The following HIVEP3 variants were observed in gnomAD, a reference collection of about 807,000 sequenced individuals.
HIVEP3 encodes transcription factor HIVEP3.
A neutral mutation model predicts 152.8 loss-of-function variants in HIVEP3; 49 were observed. The ratio of observed to expected loss-of-function variants is 0.32; its 90% CI spans 0.26 to 0.41. The LOEUF (loss-of-function observed/expected upper bound fraction) is 0.41, where lower values mean the gene tolerates loss of function less well. Ranked by LOEUF, HIVEP3 falls within the 10% of genes least tolerant of loss-of-function variation. HIVEP3 has a pLI of 1.00. For synonymous variants in HIVEP3, 1,269 were observed against 1,289.0 expected, an observed-to-expected ratio of 0.98 and a Z score of 0.33; for missense variants, 2,790 against 3,103.3, an observed-to-expected ratio of 0.90 and a Z score of 2.40.
chr1:42,015,958 C>T (rs1189173735), intron 1 of HIVEP3, among the ~76,000 whole-genome samples: 1 of 152,174 alleles, frequency 6.6e-6, no homozygotes, highest in Non-Finnish European at 1.5e-5. Context: ...TTAGGAAAAA[C>T]ATCAAATAAT....
chr1:41,767,323 T>C (rs1648074605), intron 1 of HIVEP3, among the ~76,000 whole-genome samples: 1 of 152,212 alleles, frequency 6.6e-6, no homozygotes, highest in Admixed American at 6.5e-5. Context: ...TCAAAGCAGA[T>C]ACAGCTCCCC....
intron 5 of HIVEP3, among the ~76,000 whole-genome samples, chr1:41,529,067 T>A (rs1643137254): frequency 4.8e-5 from 3 of 62,132 alleles, no homozygotes; most frequent in Non-Finnish European, 9.5e-5. Flanking sequence ...ACCCTCACCC[T>A]CACACTCACA....
chr1:42,012,923 A>C (rs1009922129), intron 1 of HIVEP3, among the ~76,000 whole-genome samples: 1 of 152,230 alleles, frequency 6.6e-6, no homozygotes, highest in Non-Finnish European at 1.5e-5. Context: ...AGACCAAGAC[A>C]TTAGATGTGA....
intron 3 of HIVEP3, among the ~76,000 whole-genome samples, chr1:41,625,159 A>C: frequency 1.2e-5 from 1 of 82,476 alleles, no homozygotes; most frequent in Non-Finnish European, 2.3e-5. Context: ...CGAGATTCCA[A>C]CTCAAAAAAA....
At position 41,772,533 on chromosome 1, in the gene HIVEP3, C is replaced by G. The variant is rs950509855; in HGVS notation, c.-800-71538G>C. On this transcript the variant is annotated intron_variant, in intron 1 of 8. Coordinates refer to ENST00000372583, the MANE Select transcript of HIVEP3 (RefSeq NM_024503.5). ...GGAGGTGGCAGCCATCAGAAGCTAA[C>G]AGTGAAGAAAAAGGTGGAAGAAGCC... 2.6e-5 allele frequency among the ~76,000 whole-genome samples: 4 copies of G among 152,138 alleles called. No individual in the cohort carries two copies. The East Asian group carries it at 7.7e-4, about 29-fold the overall frequency.
chr1:41,589,340 C>T (rs540928039), intron 3 of HIVEP3, among the ~76,000 whole-genome samples: 3 of 152,354 alleles, frequency 2.0e-5, no homozygotes, highest in Middle Eastern at 3.4e-3. Context: ...CAGCAGCCAA[C>T]TGGTTAGCTC....
chr1:41,568,792 G>A (rs747660436), intron 5 of HIVEP3, among the ~76,000 whole-genome samples: 4 of 152,216 alleles, frequency 2.6e-5, no homozygotes, highest in Non-Finnish European at 5.9e-5. Flanking sequence ...TGACTTTGCC[G>A]CTCTCCTTCA....
intron 2 of HIVEP3, among the ~76,000 whole-genome samples, chr1:41,645,414 G>T (rs751922617): frequency 1.3e-5 from 2 of 152,158 alleles, no homozygotes; most frequent in African/African-American, 2.4e-5. Context: ...ATTGCTCATG[G>T]TCTTGTACTG....
At chr1:41,890,044 C>T (rs1055225786) in intron 1 of HIVEP3, among the ~76,000 whole-genome samples, 2 of 152,252 alleles carry the variant, frequency 1.3e-5, no homozygotes, top group Non-Finnish European at 2.9e-5. Context: ...TGGTTCAAAT[C>T]CTGGCTCGGC....
chr1:41,953,484 T>C (rs1645121903), intron 1 of HIVEP3, among the ~76,000 whole-genome samples: 1 of 152,246 alleles, frequency 6.6e-6, no homozygotes. Context: ...AGGTACATAA[T>C]GAGTCCTCAG....
At chr1:41,666,122 CGTGTGTGT>C (rs60976179) in intron 2 of HIVEP3, among the ~76,000 whole-genome samples, 1 of 149,716 alleles carries the variant, frequency 6.7e-6, no homozygotes, top group Non-Finnish European at 1.5e-5. Flanking sequence ...GGTGTGTGTG[CGTGTGTGT>C]GTGTGTGTGT....
At chr1:41,549,119 C>G (rs893659551) in intron 5 of HIVEP3, among the ~76,000 whole-genome samples, 8 of 151,284 alleles carry the variant, frequency 5.3e-5, no homozygotes, top group Non-Finnish European at 8.8e-5. Context: ...TGAGAACATG[C>G]GGTATTTCGT....
intron 1 of HIVEP3, among the ~76,000 whole-genome samples, chr1:41,915,786 A>G (rs1644861519): frequency 6.6e-6 from 1 of 152,228 alleles, no homozygotes; most frequent in Non-Finnish European, 1.5e-5. Flanking sequence ...CCTACTTTAC[A>G]GATAAGGAAG....
rs749407624 is a variant in HIVEP3 at position 41,575,575 on chromosome 1, C to T, written c.5176G>A (p.Glu1726Lys). 8 of 1,614,014 alleles carry T rather than the reference C, an allele frequency of 5.0e-6. No homozygotes were observed. Among genetic ancestry groups the T allele is most frequent in the Admixed American group, 1.7e-5 (1 of 60,006 alleles). Residue 1726 changes from glutamate to lysine, a missense_variant, in exon 5 of 9, where the codon GAG becomes AAG. Glu to Lys is a moderately conservative substitution (Grantham distance 56). Transcript: ENST00000372583. ...TCGAAGATTTTGATCCTCGCCGGCT[C>T]CCCTCTCTGGGAGGCAGGAGCATCC... ...EEDAPASQRG[E>K]PARIKIFEGG...
chr1:41,810,696 A>C (rs349444), intron 1 of HIVEP3, among the ~76,000 whole-genome samples: 56,956 of 152,162 alleles, frequency 0.37, 11,920 homozygotes, highest in East Asian at 0.8. Flanking sequence ...CCCTAAAAAC[A>C]GTGTCATGGT....
At chr1:41,637,168 A>C (rs1645287883) in intron 2 of HIVEP3, among the ~76,000 whole-genome samples, 1 of 151,790 alleles carries the variant, frequency 6.6e-6, no homozygotes, top group Non-Finnish European at 1.5e-5. Flanking sequence ...ACACATCATC[A>C]TACACAAACA....
intron 1 of HIVEP3, among the ~76,000 whole-genome samples, chr1:41,898,622 GGA>G (rs1185666974): frequency 6.6e-6 from 1 of 152,200 alleles, no homozygotes; most frequent in Admixed American, 6.5e-5. Flanking sequence ...TCTGCATGCT[GGA>G]GATACACAGG....
At chr1:42,014,301 A>T (rs1167084294) in intron 1 of HIVEP3, among the ~76,000 whole-genome samples, 1 of 152,096 alleles carries the variant, frequency 6.6e-6, no homozygotes, top group Non-Finnish European at 1.5e-5. Flanking sequence ...ATCACAGAGA[A>T]AGAAGGGACC....
intron 1 of HIVEP3, among the ~76,000 whole-genome samples, chr1:41,896,717 A>G (rs1644534106): frequency 6.6e-6 from 1 of 151,766 alleles, no homozygotes; most frequent in Non-Finnish European, 1.5e-5. Context: ...TGAGACCACA[A>G]GTGCGTGCCA....
Sources: allele counts gnomAD v4.1 joint callset (sites outside exome capture counted in the v4.1 genomes callset), GRCh38; gene constraint gnomAD v4.1.1; transcripts MANE v1.5; gene names NCBI Gene and HGNC (gene_info 2026-07-23, HGNC 2026-07-21).